LARP1B: variants seen among roughly 807,000 people sequenced by gnomAD.
LARP1B encodes la-related protein 1B.
A neutral mutation model predicts 114.2 loss-of-function variants in LARP1B; 76 were observed. That is an observed-to-expected ratio of 0.67 (90% CI 0.55 to 0.81). LARP1B has a LOEUF of 0.81. Ranked by LOEUF, LARP1B falls within the 30% of genes least tolerant of loss-of-function variation. The pLI, the probability that LARP1B is intolerant of heterozygous loss-of-function variation, is 0.00. For missense variants in LARP1B, 1,014 were observed against 1,075.8 expected, an observed-to-expected ratio of 0.94 and a Z score of 0.80; for synonymous variants, 345 against 348.0, an observed-to-expected ratio of 0.99 and a Z score of 0.10.
At chr4:128,216,844 G>A (rs1303675434), downstream of LARP1B, among the ~76,000 whole-genome samples, 16 of 152,254 alleles carry the variant, frequency 1.1e-4, 1 homozygote, top group South Asian at 1.5e-3. Context: ...CAAAAAATCA[G>A]TGAATCCAGG....
At chr4:128,152,207 A>ATTT (rs35669651) in intron 11 of LARP1B, among the ~76,000 whole-genome samples, 47,435 of 140,420 alleles carry the variant, frequency 0.34, 8,338 homozygotes, top group East Asian at 0.5. Context: ...TAAGATGGTG[A>ATTT]TTTTTTTTTT....
At chr4:128,104,389 T>G (rs1019941053) in intron 8 of LARP1B, among the ~76,000 whole-genome samples, 4 of 152,184 alleles carry the variant, frequency 2.6e-5, no homozygotes, top group African/African-American at 7.2e-5. Context: ...TACTTTCTGT[T>G]TTTTGGTAGT....
intron 15 of LARP1B, among the ~76,000 whole-genome samples, chr4:128,194,163 C>A (rs573904816): frequency 2.0e-5 from 3 of 152,068 alleles, no homozygotes; most frequent in Non-Finnish European, 4.4e-5. Context: ...ACCTCCACCT[C>A]CTGGGTTCAA....
chr4:128,120,480 G>A (rs561309518), intron 10 of LARP1B, among the ~76,000 whole-genome samples: 7 of 144,932 alleles, frequency 4.8e-5, no homozygotes, highest in Non-Finnish European at 7.5e-5. Context: ...ATGGGGTCTC[G>A]CTCTGTCACC....
At position 128,178,493 on chromosome 4, in the gene LARP1B, G is replaced by A. The variant is rs773816879; in HGVS notation, c.1747G>A (p.Val583Ile). Residue 583 changes from valine (V) to isoleucine (I), a missense_variant, in exon 14 of 20, where the codon GTT becomes ATT. Transcript: ENST00000326639. ...TTCAGAAATAACTTCAGCAGCAATG[G>A]TTCATTCGTTGCCTACAGCAGTTCC... Reference protein sequence around the residue: ...DVSEITSAAMVHSLPTAVPES... With the variant: ...DVSEITSAAMIHSLPTAVPES... 14 of 1,613,896 alleles carry A rather than the reference G, an allele frequency of 8.7e-6. No homozygotes were observed. The highest frequency in any genetic ancestry group is 1.2e-5 in the Non-Finnish European group (14 of 1,179,968).
At chr4:128,168,288 TAAAA>T (rs200997292) in intron 12 of LARP1B, among the ~76,000 whole-genome samples, 8 of 150,750 alleles carry the variant, frequency 5.3e-5, no homozygotes, top group African/African-American at 2.0e-4. Context: ...GTTTTTTTTT[TAAAA>T]AATTTTGCCC....
chr4:128,065,321 C>G (rs879321873), intron 1 of LARP1B, among the ~76,000 whole-genome samples: 1 of 131,834 alleles, frequency 7.6e-6, no homozygotes, highest in Admixed American at 8.0e-5. Flanking sequence ...TTCTTTCTCT[C>G]TCTCTCTCTC....
intron 11 of LARP1B, among the ~76,000 whole-genome samples, chr4:128,145,517 C>T (rs1216501322): frequency 2.6e-5 from 4 of 152,278 alleles, no homozygotes; most frequent in East Asian, 1.9e-4. Context: ...TGCCTCCAGC[C>T]AAGGACACAC....
chr4:128,178,670 C>A, intron 14 of LARP1B, 28 bp downstream of exon 14: 1 of 1,522,808 alleles, frequency 6.6e-7, no homozygotes, highest in Non-Finnish European at 9.1e-7. Flanking sequence ...GAATATAAGG[C>A]TTGCATTTTG....
intron 5 of LARP1B, among the ~76,000 whole-genome samples, chr4:128,088,090 G>A (rs1039580949): frequency 2.8e-4 from 42 of 152,084 alleles, no homozygotes; most frequent in African/African-American, 9.9e-4. Context: ...TACTTGGTAG[G>A]CTGAGGTAAG....
intron 13 of LARP1B, among the ~76,000 whole-genome samples, 193 bp from the exon 14 acceptor site, chr4:128,178,234 TAAAC>T (rs1357556125): frequency 6.6e-6 from 1 of 151,634 alleles, no homozygotes; most frequent in Non-Finnish European, 1.5e-5. Context: ...AAAAAGGTCA[TAAAC>T]AGATATAGAA....
intron 1 of LARP1B, chr4:128,069,716 T>C: frequency 3.0e-6 from 1 of 332,790 alleles, no homozygotes; most frequent in East Asian, 6.7e-5. Context: ...ATGGTTGTTT[T>C]TTGCCTATTA....
chr4:128,122,208 A>G lies in LARP1B; in HGVS notation c.1524+20A>G, dbSNP rs753697369. 6 of 1,608,258 alleles carry G rather than the reference A, an allele frequency of 3.7e-6. No individual in the cohort carries two copies. The highest frequency in any genetic ancestry group is 2.7e-5 in the African/African-American group (2 of 74,824). ...ATAAAGGTAATTGTTTCTGGCCAAC[A>G]TCTTTCTACTGATGCTTTGTTTTGA... is the stretch of plus-strand genomic sequence containing the variant. On this transcript the variant is annotated intron_variant, in intron 11 of 19. Transcript: ENST00000326639.
At chr4:128,204,213 AAATAAAGAGAGATACTGAGGCTTCAC>A (rs1756898735) in intron 17 of LARP1B, among the ~76,000 whole-genome samples, 1 of 147,098 alleles carries the variant, frequency 6.8e-6, no homozygotes, top group South Asian at 2.1e-4. Context: ...ACTTCTCCAG[AAATAAAGAGAGATACTGAGGCTTCAC>A]CTCAAAGATT....
intron 15 of LARP1B, among the ~76,000 whole-genome samples, chr4:128,194,828 C>T (rs978535805): frequency 1.3e-5 from 2 of 151,314 alleles, no homozygotes; most frequent in African/African-American, 2.4e-5. Context: ...GATGGGGCCA[C>T]TGCACTCCAA....
intron 11 of LARP1B, among the ~76,000 whole-genome samples, chr4:128,130,366 AAAAG>A (rs1360163631): frequency 1.2e-4 from 19 of 152,350 alleles, no homozygotes; most frequent in Non-Finnish European, 2.6e-4. Flanking sequence ...ATTGAAGAAA[AAAAG>A]AAAAAACTTG....
At chr4:128,060,813 G>A (rs927090536), upstream of LARP1B, among the ~76,000 whole-genome samples, 2 of 152,212 alleles carry the variant, frequency 1.3e-5, no homozygotes, top group African/African-American at 4.8e-5. Context: ...GGAGGCGCCG[G>A]GCGCCAGCGG....
intron 6 of LARP1B, among the ~76,000 whole-genome samples, chr4:128,220,173 C>G (rs1451001684): frequency 6.6e-6 from 1 of 152,220 alleles, no homozygotes; most frequent in Non-Finnish European, 1.5e-5. Flanking sequence ...GTGTGAGCCA[C>G]TGCTCCTGGC....
At chr4:128,071,936 A>G (rs1561047770) in intron 1 of LARP1B, among the ~76,000 whole-genome samples, 2 of 152,062 alleles carry the variant, frequency 1.3e-5, no homozygotes, top group Non-Finnish European at 2.9e-5. Flanking sequence ...TTCTTTAACT[A>G]TTTACAGTTA....
Sources: allele counts gnomAD v4.1 joint callset (sites outside exome capture counted in the v4.1 genomes callset), GRCh38; gene constraint gnomAD v4.1.1; transcripts MANE v1.5; gene names NCBI Gene and HGNC (gene_info 2026-07-23, HGNC 2026-07-21).